RMDN1: variants seen among roughly 807,000 people sequenced by gnomAD.
RMDN1 encodes regulator of microtubule dynamics 1, also known as regulator of microtubule dynamics protein 1.
A neutral mutation model predicts 48.9 loss-of-function variants in RMDN1; 48 were observed. The observed-to-expected ratio is 0.98, with a 90% CI of 0.78 to 1.25. The LOEUF (loss-of-function observed/expected upper bound fraction) is 1.25, where lower values mean the gene tolerates loss of function less well. RMDN1 is among the 50% of genes most tolerant of loss of function. The pLI is 0.00. For missense variants in RMDN1, 418 were observed against 373.4 expected (o/e 1.12, Z -0.98); for synonymous variants, 148 against 132.6 (o/e 1.12, Z -0.80).
intron 2 of RMDN1, among the ~76,000 whole-genome samples, chr8:86,490,554 T>C (rs143176097): frequency 1.9e-3 from 294 of 152,260 alleles, no homozygotes; most frequent in African/African-American, 6.8e-3. Flanking sequence ...GTCTCTGGAA[T>C]GCAGCTCTCC....
At chr8:86,468,467 G>A, downstream of RMDN1, 1 of 428,840 alleles carries the variant, frequency 2.3e-6, no homozygotes. Flanking sequence ...GACAGGTTAT[G>A]TGATAGAGGG....
downstream of RMDN1, chr8:86,468,760 T>G: frequency 2.2e-6 from 1 of 455,046 alleles, no homozygotes; most frequent in Non-Finnish European, 4.4e-6. Context: ...GGTCTTCCAC[T>G]TTTCATACCC....
chr8:86,475,227 G>A (rs777177707), intron 8 of RMDN1, among the ~76,000 whole-genome samples: 4 of 152,252 alleles, frequency 2.6e-5, no homozygotes, highest in Non-Finnish European at 1.5e-5. Context: ...TTTTATAGAT[G>A]AGAAGCTGAA....
chr8:86,477,352 T>C, intron 7 of RMDN1, 28 bp from the exon 8 acceptor site: 1 of 1,567,072 alleles, frequency 6.4e-7, no homozygotes, highest in Admixed American at 1.9e-5. Context: ...AGCCCAAACA[T>C]AATAAAAAAG....
At chr8:86,504,875 T>C (rs1819041690) in intron 2 of RMDN1, 1 of 1,082,282 alleles carries the variant, frequency 9.2e-7, no homozygotes, top group African/African-American at 1.6e-5. Context: ...GTATTTTTAT[T>C]ATCTTCGCCA....
downstream of RMDN1, chr8:86,468,425 T>C (rs1048338065): frequency 6.9e-6 from 3 of 437,598 alleles, no homozygotes; most frequent in African/African-American, 6.2e-5. Context: ...TTTTCAAGCC[T>C]AAAGAATTAA....
intron 2 of RMDN1, among the ~76,000 whole-genome samples, chr8:86,495,439 A>T (rs1025580175): frequency 6.6e-6 from 1 of 152,108 alleles, no homozygotes; most frequent in African/African-American, 2.4e-5. Context: ...AGGGTTTAGC[A>T]TGGGAACAGC....
Position 86,473,903 on chromosome 8 carries a change from CCTTCT to C in RMDN1, c.*400_*404del, listed in dbSNP as rs1178014658. ...CAACATCCTAACCACTGTCACCACA[CCTTCT>C]CTTCAAGATTTCAACTTAGAATCAA... On this transcript the variant is annotated 3_prime_UTR_variant, in exon 10 of 10. Coordinates refer to ENST00000406452, the MANE Select transcript of RMDN1 (RefSeq NM_016033.3). 1.0e-6 allele frequency: 1 copy of C among 1,000,504 alleles called. No individual in the cohort carries two copies. Among genetic ancestry groups the C allele is most frequent in the Non-Finnish European group, 1.2e-6 (1 of 840,056 alleles). 62.0% of individuals were successfully genotyped at this position (1,000,504 alleles called of 1,614,324 possible). A position where few individuals can be genotyped will look rare whatever the true frequency, so the allele number is the denominator to read the frequency against.
At chr8:86,478,754 C>A in intron 7 of RMDN1, 169 bp downstream of exon 7, 1 of 617,824 alleles carries the variant, frequency 1.6e-6, no homozygotes, top group Non-Finnish European at 2.9e-6. Flanking sequence ...GAAAACCACT[C>A]ACCAGTCAAG....
At position 86,474,202 on chromosome 8, in the gene RMDN1, C is replaced by A; in HGVS notation, c.*106G>T. On this transcript the variant is annotated 3_prime_UTR_variant, in exon 10 of 10. Transcript: ENST00000406452. ...TTATATTTACACGGTTAAATGGTCA[C>A]AACATTTAAAAAGCCGTAGAACAGT... 3.9e-6 allele frequency: 6 copies of A among 1,521,422 alleles called. No individual in the cohort carries two copies. The South Asian group carries it at 7.9e-5, about 20-fold the overall frequency. 94.2% of individuals were successfully genotyped at this position (1,521,422 alleles called of 1,614,324 possible). A position where few individuals can be genotyped will look rare whatever the true frequency, so the allele number is the denominator to read the frequency against.
At chr8:86,476,472 G>T (rs1813395673) in intron 8 of RMDN1, among the ~76,000 whole-genome samples, 1 of 152,044 alleles carries the variant, frequency 6.6e-6, no homozygotes, top group Admixed American at 6.6e-5. Flanking sequence ...TATTTCAATG[G>T]TTTTTATGGT....
rs756634698 is a variant in RMDN1, at chr8:86,506,980, C to G, written c.247+15G>C. ...AAAAAACTCTAAATGTTCCATATAT[C>G]TAATTTATGCTTACCTTTGGCTGTG... On this transcript the variant is annotated intron_variant, in intron 2 of 9. Coordinates refer to ENST00000406452, the MANE Select transcript of RMDN1 (RefSeq NM_016033.3). The G allele has an allele frequency of 2.9e-6, 4 of 1,395,040 alleles. No homozygotes were observed. The highest frequency in any genetic ancestry group is 4.0e-6 in the Non-Finnish European group (4 of 991,110). 86.4% of individuals were successfully genotyped at this position (1,395,040 alleles called of 1,614,324 possible).
At chr8:86,470,400 GA>G, downstream of RMDN1, 1 of 1,283,676 alleles carries the variant, frequency 7.8e-7, no homozygotes. Context: ...GACACGTGGG[GA>G]ATCAGGCTCC....
intron 2 of RMDN1, among the ~76,000 whole-genome samples, chr8:86,502,667 T>C (rs566774175): frequency 6.6e-6 from 1 of 152,350 alleles, no homozygotes; most frequent in African/African-American, 2.4e-5. Context: ...AAAATCTATC[T>C]ATCTCAAAGT....
chr8:86,475,865 T>C (rs1813282616), intron 8 of RMDN1, among the ~76,000 whole-genome samples: 1 of 152,198 alleles, frequency 6.6e-6, no homozygotes, highest in Non-Finnish European at 1.5e-5. Context: ...CATCCGATCA[T>C]TCATCTATTT....
chr8:86,512,412 T>G (rs1820089880), upstream of RMDN1, among the ~76,000 whole-genome samples: 2 of 152,336 alleles, frequency 1.3e-5, no homozygotes, highest in South Asian at 2.1e-4. Flanking sequence ...GCCTTGTTTC[T>G]GCACTGGCAG....
intron 1 of RMDN1, 163 bp downstream of exon 1, chr8:86,508,329 A>C (rs1234485894): frequency 1.4e-6 from 1 of 722,234 alleles, no homozygotes. Context: ...GGTTTGCAAA[A>C]TGGAAGGGAC....
At chr8:86,494,195 T>C (rs1305025337) in intron 2 of RMDN1, among the ~76,000 whole-genome samples, 2 of 152,180 alleles carry the variant, frequency 1.3e-5, no homozygotes, top group African/African-American at 2.4e-5. Context: ...GCTAATGGAA[T>C]AGACTACAGA....
At chr8:86,486,769 A>AT (rs1365316543) in intron 3 of RMDN1, 126 bp from the exon 4 acceptor site, 2 of 541,336 alleles carry the variant, frequency 3.7e-6, no homozygotes, top group Admixed American at 4.0e-5. Flanking sequence ...ATCAAAAGCC[A>AT]TTAGTAATAA....
Sources: allele counts gnomAD v4.1 joint callset (sites outside exome capture counted in the v4.1 genomes callset), GRCh38; gene constraint gnomAD v4.1.1; transcripts MANE v1.5; gene names NCBI Gene and HGNC (gene_info 2026-07-23, HGNC 2026-07-21).